ANK3: variants seen among roughly 807,000 people sequenced by gnomAD.
The protein encoded by ANK3 is ankyrin 3, also known as ankyrin-3.
ANK3 carries 57 observed loss-of-function variants against 370.9 expected under a neutral mutation model. The ratio of observed to expected loss-of-function variants is 0.15; its 90% CI spans 0.12 to 0.19. ANK3 has a LOEUF of 0.19. ANK3 is among the 10% of genes least tolerant of loss of function. The pLI is 1.00. For missense variants in ANK3, 4,439 were observed against 5,302.1 expected (o/e 0.84, Z 5.06); for synonymous variants, 1,929 against 1,946.3 (o/e 0.99, Z 0.23).
chr10:60,503,164 T>C (rs1242080909), intron 2 of ANK3, among the ~76,000 whole-genome samples: 1 of 152,200 alleles, frequency 6.6e-6, no homozygotes, highest in Non-Finnish European at 1.5e-5. Context: ...TTAGTGTTTA[T>C]CATCAGAGGA....
chr10:60,729,074 G>C (rs2079984323), intron 1 of ANK3, among the ~76,000 whole-genome samples: 1 of 152,164 alleles, frequency 6.6e-6, no homozygotes, highest in Admixed American at 6.5e-5. Flanking sequence ...CCTTTTACAA[G>C]ATAGGAGCTC....
At chr10:60,676,160 C>T (rs1413511422) in intron 1 of ANK3, among the ~76,000 whole-genome samples, 1 of 152,028 alleles carries the variant, frequency 6.6e-6, no homozygotes, top group Non-Finnish European at 1.5e-5. Flanking sequence ...AATACTATAA[C>T]AAAGCAAAAT....
intron 41 of ANK3, among the ~76,000 whole-genome samples, chr10:60,058,217 G>C (rs2131923164): frequency 6.6e-6 from 1 of 152,292 alleles, no homozygotes; most frequent in Non-Finnish European, 1.5e-5. Context: ...TAATTAGAGT[G>C]ACATTCTTAG....
chr10:60,041,590 A>G (rs1726435414), intron 43 of ANK3, among the ~76,000 whole-genome samples: 1 of 152,200 alleles, frequency 6.6e-6, no homozygotes, highest in Non-Finnish European at 1.5e-5. Context: ...CACGCATGAA[A>G]CACTGGGAAG....
intron 1 of ANK3, among the ~76,000 whole-genome samples, chr10:60,698,788 AT>A (rs996075025): frequency 2.0e-5 from 3 of 147,686 alleles, no homozygotes; most frequent in African/African-American, 7.5e-5. Flanking sequence ...GCATTAGGAG[AT>A]ATACCTAATG....
intron 1 of ANK3, among the ~76,000 whole-genome samples, chr10:60,621,355 A>G (rs2078334523): frequency 6.6e-6 from 1 of 152,192 alleles, no homozygotes; most frequent in East Asian, 1.9e-4. Flanking sequence ...TGAATTTGAC[A>G]TTTTATTTTT....
At chr10:60,547,605 GACCTGGTGATCC>G (rs889227552) in intron 2 of ANK3, among the ~76,000 whole-genome samples, 8 of 151,674 alleles carry the variant, frequency 5.3e-5, no homozygotes, top group Admixed American at 1.3e-4. Context: ...TCGAACTCCT[GACCTGGTGATCC>G]ACCTGCCTTG....
Position 60,689,262 on chromosome 10 carries a change from GGTGCCAC to G in ANK3, c.57+43994_57+44000del, listed in dbSNP as rs1158980358. On this transcript the variant is annotated intron_variant, in intron 1 of 43. Coordinates refer to the ANK3 transcript ENST00000373827. Reference sequence around the variant, plus strand: ...AAACAATAAAAAATTAGCCAGATGTGGTGCCACGTGCCTGTAGTCCCAGCTACTTGGG... The same window carrying G: ...AAACAATAAAAAATTAGCCAGATGTGGTGCCTGTAGTCCCAGCTACTTGGG... 4.6e-5 allele frequency among the ~76,000 whole-genome samples: 7 copies of G among 152,280 alleles called. No individual in the cohort carries two copies. In the East Asian group the frequency reaches 1.4e-3, roughly 29 times the overall value.
intron 1 of ANK3, among the ~76,000 whole-genome samples, chr10:60,317,399 C>T (rs868549247): frequency 6.6e-6 from 1 of 152,126 alleles, no homozygotes; most frequent in African/African-American, 2.4e-5. Context: ...GCTGGGATTA[C>T]AGGCATGAGC....
intron 2 of ANK3, among the ~76,000 whole-genome samples, chr10:60,428,958 C>T (rs2063951447): frequency 6.6e-6 from 1 of 152,116 alleles, no homozygotes; most frequent in Non-Finnish European, 1.5e-5. Context: ...GGAATAAGGG[C>T]TGCTTATTTT....
intron 41 of ANK3, among the ~76,000 whole-genome samples, chr10:60,056,242 G>T (rs1270334486): frequency 6.6e-6 from 1 of 152,226 alleles, no homozygotes; most frequent in Admixed American, 6.5e-5. Flanking sequence ...GGCTGAGGCG[G>T]GAGATCACCT....
At chr10:60,731,253 A>C (rs1197124349) in intron 1 of ANK3, among the ~76,000 whole-genome samples, 1 of 152,176 alleles carries the variant, frequency 6.6e-6, no homozygotes, top group Non-Finnish European at 1.5e-5. Flanking sequence ...TACTGAAAAA[A>C]AGAAAACCAC....
intron 2 of ANK3, among the ~76,000 whole-genome samples, chr10:60,470,092 G>T (rs967008996): frequency 6.6e-6 from 1 of 152,092 alleles, no homozygotes; most frequent in Non-Finnish European, 1.5e-5. Context: ...ATAATCTTCC[G>T]TGTCAGTCTA....
intron 24 of ANK3, chr10:60,138,623 C>T: frequency 2.3e-6 from 1 of 441,248 alleles, no homozygotes; most frequent in Non-Finnish European, 4.0e-6. Context: ...ATAATACTTT[C>T]TTTCAATATG....
chr10:60,647,108 T>C (rs1344101194), intron 1 of ANK3, among the ~76,000 whole-genome samples: 1 of 152,158 alleles, frequency 6.6e-6, no homozygotes, highest in Non-Finnish European at 1.5e-5. Flanking sequence ...AGCAAGTAGG[T>C]GAGCAATTAT....
intron 1 of ANK3, among the ~76,000 whole-genome samples, chr10:60,351,846 A>C (rs1240277591): frequency 2.6e-5 from 4 of 152,330 alleles, no homozygotes; most frequent in Admixed American, 1.3e-4. Context: ...TTACTTTTAA[A>C]ATTTCTTTCT....
chr10:60,030,439 G>A (rs1046582204), intron 43 of ANK3, among the ~76,000 whole-genome samples: 2 of 152,146 alleles, frequency 1.3e-5, no homozygotes, highest in African/African-American at 4.8e-5. Context: ...ACCACGCCCG[G>A]CCCTCAACTT....
Position 60,074,075 on chromosome 10 carries a change from T to G in ANK3, c.6806A>C (p.Glu2269Ala), listed in dbSNP as rs1167505767. The G allele has an allele frequency of 6.2e-7, 1 of 1,614,000 alleles. No homozygotes were observed. The highest frequency in any genetic ancestry group is 8.5e-7 in the Non-Finnish European group (1 of 1,179,994). Residue 2269 changes from glutamate to alanine, a missense_variant, in exon 37 of 44, where the codon GAA (glutamate) becomes GCA (alanine). By Grantham distance (107) the Glu-to-Ala change is moderately radical. Around this residue, in one of 13 missense-constraint regions of ANK3, gnomAD observed 1,601 missense variants for 1,731.7 expected, o/e 0.92. Transcript: ENST00000280772. ...CATGATGTCATGGACTGACATGGTT[T>G]CTTCAATTCTTTCAGATGCACCTTC... The part of the protein sequence containing the change: ...GGEGASERIE[E>A]TMSVHDIMKA...
rs140516425 is a variant in ANK3 at position 60,074,310 on chromosome 10, G to T, written c.6571C>A (p.Pro2191Thr). The change falls in exon 37 of 44, where the codon CCT (proline) becomes ACT (threonine). Residue 2191 changes from proline (P) to threonine (T), a missense_variant. Coordinates refer to ENST00000280772, the MANE Select transcript of ANK3 (RefSeq NM_020987.5). ...GDVPQTQPEEPVSPKPSPTFM... is the reference protein window; with the variant it reads ...GDVPQTQPEETVSPKPSPTFM... ...GTAGGTGAAGGTTTAGGTGACACAG[G>T]CTCCTCTGGTTGGGTCTGGGGAACA... is the stretch of plus-strand genomic sequence containing the variant. 1 of 1,614,006 alleles carries T rather than the reference G, an allele frequency of 6.2e-7. No individual in the cohort carries two copies. Among genetic ancestry groups the T allele is most frequent in the Non-Finnish European group, 8.5e-7 (1 of 1,179,996 alleles).
Sources: allele counts gnomAD v4.1 joint callset (sites outside exome capture counted in the v4.1 genomes callset), GRCh38; gene constraint gnomAD v4.1.1; regional missense constraint gnomAD v4.1.1; transcripts MANE v1.5; gene names NCBI Gene and HGNC (gene_info 2026-07-23, HGNC 2026-07-21).